Variants in PIEZO2 observed in about 807,000 individuals in gnomAD.
PIEZO2 encodes piezo type mechanosensitive ion channel component 2, also known as piezo-type mechanosensitive ion channel component 2.
Under a neutral mutation model 337.3 loss-of-function variants are expected in PIEZO2, and 172 were observed. The ratio of observed to expected loss-of-function variants is 0.51; its 90% CI spans 0.45 to 0.58. PIEZO2 has a LOEUF of 0.58. Ranked by LOEUF, PIEZO2 falls within the 20% of genes least tolerant of loss-of-function variation. The pLI, the probability that PIEZO2 is intolerant of heterozygous loss-of-function variation, is 0.00. For missense variants in PIEZO2, 3,028 were observed against 3,391.3 expected (o/e 0.89, Z 2.66); for synonymous variants, 1,251 against 1,228.5 (o/e 1.02, Z -0.38).
intron 18 of PIEZO2, among the ~76,000 whole-genome samples, chr18:10,776,111 T>C (rs188314671): frequency 6.6e-6 from 1 of 152,334 alleles, no homozygotes; most frequent in East Asian, 1.9e-4. Context: ...CCTTTTACTT[T>C]TCTCTCTCTC....
Position 11,078,120 on chromosome 18 carries a change from C to G in PIEZO2, c.65-11898G>C, listed in dbSNP as rs1478484459. Among the ~76,000 whole-genome samples, 1 of 130,680 alleles carries G rather than the reference C, an allele frequency of 7.7e-6. No individual in the cohort carries two copies. The highest frequency in any genetic ancestry group is 7.0e-5 in the Admixed American group (1 of 14,240). The allele number at this position is 130,680 out of a possible 152,430, so 85.7% of individuals were successfully genotyped here. ...ACACAAACACATACACATATACACACCATACACACACATACACACACACTC... is the reference window on the plus strand; with the variant it reads ...ACACAAACACATACACATATACACAGCATACACACACATACACACACACTC... On this transcript the variant is annotated intron_variant, in intron 1 of 55. Coordinates refer to ENST00000674853, the MANE Select transcript of PIEZO2 (RefSeq NM_001378183.1). This position sits in a 1 kb window ranked among gnomAD's most constrained non-coding sequence, Gnocchi z 5.3.
At chr18:11,041,581 G>A (rs927365663) in intron 2 of PIEZO2, among the ~76,000 whole-genome samples, 1 of 152,136 alleles carries the variant, frequency 6.6e-6, no homozygotes, top group Non-Finnish European at 1.5e-5. Flanking sequence ...GTTACTCATT[G>A]TTTATTTTAC....
At chr18:10,733,446 C>T (rs1199555472) in intron 35 of PIEZO2, among the ~76,000 whole-genome samples, 2 of 121,808 alleles carry the variant, frequency 1.6e-5, no homozygotes, top group East Asian at 5.5e-4. Context: ...CCAAACTTCC[C>T]AATTTTTTTT....
At chr18:10,926,455 A>G (rs1038418581) in intron 3 of PIEZO2, among the ~76,000 whole-genome samples, 2 of 152,188 alleles carry the variant, frequency 1.3e-5, no homozygotes, top group African/African-American at 4.8e-5. Context: ...GCTCAGTTCA[A>G]TCAGGCAGAT....
intron 7 of PIEZO2, among the ~76,000 whole-genome samples, chr18:10,807,636 A>G (rs1293258469): frequency 6.6e-6 from 1 of 152,224 alleles, no homozygotes; most frequent in Non-Finnish European, 1.5e-5. Context: ...CCTGTATTAT[A>G]GAAATGCCAA....
chr18:11,057,975 ATT>A (rs2037791242), intron 2 of PIEZO2, among the ~76,000 whole-genome samples: 1 of 152,246 alleles, frequency 6.6e-6, no homozygotes. Flanking sequence ...ATACTCAGAT[ATT>A]CTTTGTCCTG....
intron 7 of PIEZO2, among the ~76,000 whole-genome samples, chr18:10,811,215 C>T (rs184715657): frequency 2.6e-5 from 4 of 152,244 alleles, no homozygotes; most frequent in Admixed American, 1.3e-4. Flanking sequence ...TCACCATCGC[C>T]GGGAAATGTC....
rs2033842654 is a variant in PIEZO2, at chr18:10,672,902, T to G, written c.8162-29A>C. 1.9e-6 allele frequency: 3 copies of G among 1,553,284 alleles called. No individual in the cohort carries two copies. The South Asian group carries it at 3.5e-5, about 18-fold the overall frequency. ...GAAGGGTAGAAATGCAAAATTAAGT[T>G]GACATGAGAATTTTAGGATTTCATG... On this transcript the variant is annotated intron_variant, in intron 54 of 55. Coordinates refer to ENST00000674853, the MANE Select transcript of PIEZO2 (RefSeq NM_001378183.1). The surrounding 1 kb of genome is among the most constrained non-coding windows in gnomAD (Gnocchi z 4.7).
intron 1 of PIEZO2, among the ~76,000 whole-genome samples, chr18:11,100,710 C>T (rs2039389948): frequency 6.6e-6 from 1 of 152,312 alleles, no homozygotes; most frequent in East Asian, 1.9e-4. Context: ...ATTCTCCTGC[C>T]TCAGCCTCCC....
intron 7 of PIEZO2, among the ~76,000 whole-genome samples, chr18:10,823,808 C>T (rs1370493098): frequency 2.6e-5 from 4 of 152,202 alleles, no homozygotes; most frequent in Non-Finnish European, 5.9e-5. Context: ...AATGGCTTTC[C>T]ATTTTTTAAT....
intron 11 of PIEZO2, among the ~76,000 whole-genome samples, chr18:10,799,314 T>A (rs564917581): frequency 6.6e-6 from 1 of 152,234 alleles, no homozygotes; most frequent in Non-Finnish European, 1.5e-5. Flanking sequence ...TCTGTCTTTA[T>A]GGATTGGTGA....
At position 10,781,968 on chromosome 18, in the gene PIEZO2, G is replaced by A. The variant is rs1208255664; in HGVS notation, c.2493-1602C>T. On this transcript the variant is annotated intron_variant, in intron 17 of 55. Transcript: ENST00000674853. The surrounding 1 kb of genome is among the most constrained non-coding windows in gnomAD (Gnocchi z 4.1). The stretch of plus-strand genomic sequence containing the variant: ...AATATTCCTTTTTCTTCATCATTTT[G>A]ATTTTAATGTAGCCATTGTATTAGG... Among the ~76,000 whole-genome samples the A allele has an allele frequency of 6.6e-6, 1 of 151,516 alleles. No individual in the cohort carries two copies. Among genetic ancestry groups the A allele is most frequent in the Non-Finnish European group, 1.5e-5 (1 of 67,956 alleles).
chr18:10,744,622 G>T (rs1941551), intron 30 of PIEZO2, among the ~76,000 whole-genome samples: 127,213 of 152,176 alleles, frequency 0.84, 53,739 homozygotes, highest in African/African-American at 0.96. Flanking sequence ...AAAGGGTACA[G>T]TCAGATTCAT....
rs768198892 is a variant in PIEZO2, at chr18:11,049,756, G to A, written c.160+16371C>T. Among the ~76,000 whole-genome samples the A allele has an allele frequency of 3.1e-4, 47 of 152,158 alleles. 1 individual carries two copies. The highest frequency in any genetic ancestry group is 1.3e-4 in the Non-Finnish European group (9 of 68,030). On this transcript the variant is annotated intron_variant, in intron 2 of 55. Transcript: ENST00000674853. ...CTCCTTCTGTCTTGCCTGCCACCAT[G>A]TAAGACATGCCTTTCGCCTCCCACC...
intron 1 of PIEZO2, among the ~76,000 whole-genome samples, chr18:11,067,912 A>G (rs2038203634): frequency 6.6e-6 from 1 of 152,094 alleles, no homozygotes; most frequent in Admixed American, 6.5e-5. Context: ...CAGAATACAC[A>G]TTCTTTTTTT....
intron 2 of PIEZO2, 41 bp downstream of exon 2, chr18:11,066,086 A>G: frequency 6.9e-7 from 1 of 1,450,794 alleles, no homozygotes; most frequent in Non-Finnish European, 9.3e-7. Context: ...ATACATTCAG[A>G]CTGTATAACT....
intron 27 of PIEZO2, among the ~76,000 whole-genome samples, chr18:10,754,072 T>C (rs903123445): frequency 1.3e-5 from 2 of 152,252 alleles, no homozygotes; most frequent in Non-Finnish European, 2.9e-5. Context: ...ATTCTTTCCA[T>C]ACCTTTCCTT....
intron 52 of PIEZO2, among the ~76,000 whole-genome samples, chr18:10,679,573 G>A (rs1337907551): frequency 6.6e-6 from 1 of 152,104 alleles, no homozygotes; most frequent in African/African-American, 2.4e-5. Context: ...ATCACTTGAT[G>A]CTCTGCCTTC....
rs1047677713 is a variant in PIEZO2, at chr18:10,727,838, G to C, written c.5029+3569C>G. 55 of 152,168 alleles carry C rather than the reference G, an allele frequency of 3.6e-4. No individual in the cohort carries two copies. Among genetic ancestry groups the C allele is most frequent in the Admixed American group, 3.5e-3 (53 of 15,278 alleles). The allele number at this position is 152,168 out of a possible 1,614,324, so 9.4% of individuals were successfully genotyped here. On this transcript the variant is annotated intron_variant, in intron 36 of 55. Coordinates refer to ENST00000674853, the MANE Select transcript of PIEZO2 (RefSeq NM_001378183.1). The surrounding 1 kb of genome is among the most constrained non-coding windows in gnomAD (Gnocchi z 6.3). ...CAGGCCCTAGAGTTTGGTGGCCCAA[G>C]TCCTAAACCCCTCCTGGACCAGGTG...
Sources: gnomAD v4.1 joint callset for allele counts (sites outside exome capture counted in the v4.1 genomes callset) on GRCh38, gnomAD v4.1.1 for gene constraint, Gnocchi (gnomAD v3.1) non-coding constraint, MANE v1.5 for transcripts, NCBI Gene and HGNC (gene_info 2026-07-23, HGNC 2026-07-21) for gene names.